The following EIF3H variants were observed in gnomAD, a reference collection of about 807,000 sequenced individuals.
The protein encoded by EIF3H is eIF-3-gamma.
A neutral mutation model predicts 44.2 loss-of-function variants in EIF3H; 26 were observed. The ratio of observed to expected loss-of-function variants is 0.59; its 90% CI spans 0.43 to 0.82. The LOEUF (loss-of-function observed/expected upper bound fraction) is 0.82, where lower values mean the gene tolerates loss of function less well. Among genes scored for constraint, EIF3H ranks in the 40% least tolerant of loss-of-function variants. EIF3H has a pLI of 0.00. For synonymous variants in EIF3H, 166 were observed against 151.9 expected (o/e 1.09, Z -0.68); for missense variants, 359 against 432.8 (o/e 0.83, Z 1.51).
intron 2 of EIF3H, among the ~76,000 whole-genome samples, chr8:116,667,459 C>G (rs1289355254): frequency 1.9e-4 from 13 of 69,890 alleles, no homozygotes; most frequent in Admixed American, 3.0e-4. Context: ...GTTTGTACAA[C>G]TTCACAAAAA....
At chr8:116,731,868 T>G (rs1222642895) in intron 1 of EIF3H, among the ~76,000 whole-genome samples, 1 of 152,238 alleles carries the variant, frequency 6.6e-6, no homozygotes, top group South Asian at 2.1e-4. Flanking sequence ...AACTTGCCAG[T>G]AGAAACCCAA....
chr8:116,645,137 TTC>T, intron 7 of EIF3H, 34 bp from the exon 8 acceptor site: 1 of 1,512,402 alleles, frequency 6.6e-7, no homozygotes, highest in South Asian at 1.1e-5. Flanking sequence ...AGCCATAATG[TTC>T]CACAAATTGT....
intron 6 of EIF3H, among the ~76,000 whole-genome samples, chr8:116,647,504 G>A (rs1168930880): frequency 6.6e-6 from 1 of 152,152 alleles, no homozygotes; most frequent in East Asian, 1.9e-4. Context: ...TCAAACTCTG[G>A]ATTCCTATGA....
chr8:116,718,012 C>A (rs911759618), intron 2 of EIF3H, among the ~76,000 whole-genome samples: 1 of 152,004 alleles, frequency 6.6e-6, no homozygotes, highest in African/African-American at 2.4e-5. Flanking sequence ...GGACTAATAT[C>A]CAGAATCTAC....
upstream of EIF3H, chr8:116,755,938 T>C (rs1586499161): frequency 2.6e-6 from 4 of 1,537,616 alleles, no homozygotes; most frequent in African/African-American, 4.1e-5. Flanking sequence ...CTCCCTCCTG[T>C]TTTCCAGTTT....
At chr8:116,702,775 G>A (rs920376156) in intron 2 of EIF3H, among the ~76,000 whole-genome samples, 4 of 152,230 alleles carry the variant, frequency 2.6e-5, no homozygotes, top group Admixed American at 6.5e-5. Context: ...AATAACAAAG[G>A]ACAACATATT....
At chr8:116,655,120 C>T (rs1586433914) in intron 5 of EIF3H, among the ~76,000 whole-genome samples, 1 of 151,824 alleles carries the variant, frequency 6.6e-6, no homozygotes, top group African/African-American at 2.4e-5. Context: ...TAACATAACG[C>T]TCAAAGGGCA....
At chr8:116,656,163 G>A (rs1032005473) in intron 4 of EIF3H, among the ~76,000 whole-genome samples, 158 bp from the exon 5 acceptor site, 3 of 151,732 alleles carry the variant, frequency 2.0e-5, no homozygotes, top group Non-Finnish European at 4.4e-5. Flanking sequence ...GTTTTACAGA[G>A]TCAAGCATAA....
chr8:116,762,236 GT>G (rs1315637752), intron 1 of EIF3H, among the ~76,000 whole-genome samples: 2 of 152,136 alleles, frequency 1.3e-5, no homozygotes, highest in Non-Finnish European at 2.9e-5. Flanking sequence ...TTAGCATTGA[GT>G]TTGGCTACAT....
intron 1 of EIF3H, among the ~76,000 whole-genome samples, chr8:116,755,413 G>A (rs1331460695): frequency 6.6e-6 from 1 of 152,102 alleles, no homozygotes; most frequent in Non-Finnish European, 1.5e-5. Context: ...CTCAAAACAA[G>A]ACCCCAGGAA....
chr8:116,670,891 T>C (rs1813741760), intron 2 of EIF3H, among the ~76,000 whole-genome samples: 2 of 152,328 alleles, frequency 1.3e-5, no homozygotes, highest in South Asian at 2.1e-4. Context: ...TTAGGTAATC[T>C]GAAGCTCATG....
intron 2 of EIF3H, among the ~76,000 whole-genome samples, chr8:116,672,432 C>T (rs944016436): frequency 3.3e-5 from 5 of 152,094 alleles, no homozygotes; most frequent in African/African-American, 1.2e-4. Context: ...TCGAGACCAG[C>T]GCAGATGACA....
upstream of EIF3H, among the ~76,000 whole-genome samples, chr8:116,759,066 A>G (rs1481675341): frequency 6.6e-6 from 1 of 152,252 alleles, no homozygotes; most frequent in Non-Finnish European, 1.5e-5. Context: ...GGTCACAACC[A>G]TTAAGTTGTC....
intron 2 of EIF3H, among the ~76,000 whole-genome samples, chr8:116,662,480 A>G (rs1287445305): frequency 6.6e-6 from 1 of 152,178 alleles, no homozygotes; most frequent in Non-Finnish European, 1.5e-5. Context: ...TAAAAAAATA[A>G]TAAGTAATAC....
chr8:116,735,573 GGAC>G (rs1015354544), intron 1 of EIF3H, among the ~76,000 whole-genome samples: 11 of 152,066 alleles, frequency 7.2e-5, no homozygotes, highest in African/African-American at 1.9e-4. Flanking sequence ...AAAATGCTTG[GGAC>G]GACAAGTGTT....
chr8:116,668,373 A>G (rs564084761), intron 2 of EIF3H, among the ~76,000 whole-genome samples: 1 of 152,212 alleles, frequency 6.6e-6, no homozygotes, highest in East Asian at 1.9e-4. Context: ...GAGATCATAC[A>G]AGGTTTTTGC....
intron 2 of EIF3H, among the ~76,000 whole-genome samples, chr8:116,679,622 C>T (rs1485136273): frequency 2.3e-4 from 5 of 21,692 alleles, no homozygotes; most frequent in East Asian, 5.7e-4. Context: ...CCGCCCCGTC[C>T]GGGAGGGAGG....
chr8:116,731,679 A>C (rs911378665), intron 1 of EIF3H, among the ~76,000 whole-genome samples: 1 of 152,200 alleles, frequency 6.6e-6, no homozygotes, highest in Non-Finnish European at 1.5e-5. Context: ...AGGGAAGGTA[A>C]TACCAGCAAC....
At chr8:116,657,064 G>A (rs1813502802) in intron 4 of EIF3H, 151 bp downstream of exon 4, 1 of 681,520 alleles carries the variant, frequency 1.5e-6, no homozygotes, top group South Asian at 1.7e-5. Context: ...TGGAAAGGGA[G>A]AGAGCAAGCA....
Sources: gnomAD v4.1 joint callset for allele counts (sites outside exome capture counted in the v4.1 genomes callset) on GRCh38, gnomAD v4.1.1 for gene constraint, MANE v1.5 for transcripts, NCBI Gene and HGNC (gene_info 2026-07-23, HGNC 2026-07-21) for gene names.